DECR1: variants seen among roughly 807,000 people sequenced by gnomAD.
DECR1 encodes the protein 2,4-dienoyl-CoA reductase 1, also known as 2,4-dienoyl-CoA reductase [(3E)-enoyl-CoA-producing], mitochondrial.
DECR1 carries 44 observed loss-of-function variants against 38.8 expected under a neutral mutation model. The observed-to-expected ratio is 1.13, with a 90% confidence interval of 0.89 to 1.46. The LOEUF is 1.46. Ranked by LOEUF, DECR1 falls within the 40% of genes most tolerant of loss-of-function variation. The pLI is 0.00. For synonymous variants in DECR1, 148 were observed against 135.2 expected (o/e 1.09, Z -0.66); for missense variants, 428 against 405.5 (o/e 1.06, Z -0.48).
intron 6 of DECR1, among the ~76,000 whole-genome samples, chr8:90,040,548 A>G (rs1434084497): frequency 6.6e-6 from 1 of 152,186 alleles, no homozygotes; most frequent in African/African-American, 2.4e-5. Flanking sequence ...ATAGGTATAC[A>G]TGTGCCATGG....
At chr8:90,016,221 T>G (rs968901553) in intron 1 of DECR1, among the ~76,000 whole-genome samples, 1 of 152,222 alleles carries the variant, frequency 6.6e-6, no homozygotes. Flanking sequence ...GGAAGAGGCA[T>G]TTGATTTAAT....
intron 2 of DECR1, 188 bp from the exon 3 acceptor site, chr8:90,018,721 A>C (rs1813070982): frequency 3.8e-6 from 2 of 529,502 alleles, no homozygotes; most frequent in African/African-American, 3.8e-5. Context: ...CTAATTCAAT[A>C]AGTTAGTATC....
In DECR1 at chr8:90,051,772, C is replaced by T. The variant is rs1586172287; in HGVS notation, c.948+33C>T. 3 of 1,611,176 alleles carry T rather than the reference C, an allele frequency of 1.9e-6. No individual in the cohort carries two copies. In the South Asian group the frequency reaches 3.3e-5, roughly 18 times the overall value. The stretch of plus-strand genomic sequence containing the variant: ...TTTTGTGTGTATAATGTAATATCAG[C>T]AGCTAGGATACTAAGCTTTAAAAAC... On this transcript the variant is annotated intron_variant, in intron 9 of 9. Transcript: ENST00000220764.
intron 5 of DECR1, among the ~76,000 whole-genome samples, chr8:90,032,299 G>A (rs1023353526): frequency 1.3e-5 from 2 of 152,062 alleles, no homozygotes; most frequent in African/African-American, 2.4e-5. Context: ...ATAGGGACTG[G>A]TACATCTCAG....
chr8:90,001,708 G>A, intron 1 of DECR1, 147 bp downstream of exon 1: 1 of 714,708 alleles, frequency 1.4e-6, no homozygotes, highest in Admixed American at 2.9e-5. Flanking sequence ...GGTTCGGGGA[G>A]CGAGGACAGG....
Position 90,053,035 on chromosome 8 carries a change from G to A in DECR1, c.*1138G>A, listed in dbSNP as rs1805893. Among the ~76,000 whole-genome samples, 1,639 of 152,232 alleles carry A rather than the reference G, an allele frequency of 0.011. 12 individuals are homozygous for A. The highest frequency in any genetic ancestry group is 0.041 in the Middle Eastern group (12 of 292). On this transcript the variant is annotated 3_prime_UTR_variant, in exon 10 of 10. Coordinates refer to ENST00000220764, the MANE Select transcript of DECR1 (RefSeq NM_001359.2). Reference sequence around the variant, plus strand: ...ATATATAGGGGATGTTATAGGTTTGGAATAAGTGGCCCAACATTTCCAATT... The same window carrying A: ...ATATATAGGGGATGTTATAGGTTTGAAATAAGTGGCCCAACATTTCCAATT...
intron 5 of DECR1, among the ~76,000 whole-genome samples, chr8:90,024,575 T>G (rs535076265): frequency 2.0e-5 from 3 of 152,258 alleles, no homozygotes; most frequent in Non-Finnish European, 4.4e-5. Context: ...GTTTGATTTT[T>G]TTCTTGTAAA....
At chr8:90,051,281 A>G (rs1348750880) in intron 8 of DECR1, among the ~76,000 whole-genome samples, 1 of 152,056 alleles carries the variant, frequency 6.6e-6, no homozygotes, top group African/African-American at 2.4e-5. Flanking sequence ...ATAACTTAAC[A>G]TGGTGGCAGG....
At chr8:90,018,656 G>C in intron 2 of DECR1, 1 of 360,026 alleles carries the variant, frequency 2.8e-6, no homozygotes. Flanking sequence ...GCTTATCAAG[G>C]AAATAATTTA....
At chr8:90,028,071 T>A (rs1813399500) in intron 5 of DECR1, among the ~76,000 whole-genome samples, 1 of 152,150 alleles carries the variant, frequency 6.6e-6, no homozygotes, top group Non-Finnish European at 1.5e-5. Context: ...TGATTAGGAT[T>A]TGAGGGGAGT....
At chr8:90,005,582 C>T (rs1414773200) in intron 1 of DECR1, 1 of 376,844 alleles carries the variant, frequency 2.7e-6, no homozygotes, top group Non-Finnish European at 5.2e-6. Context: ...ACATTGTCCT[C>T]TGAAGGCAGC....
chr8:90,038,706 G>A lies in DECR1; in HGVS notation c.665+1766G>A, dbSNP rs192174061. ...TGACTTCCCCACTTGGACCAGAAGA[G>A]TCTGGTCCGTAGCTGGTGCTTCATG... On this transcript the variant is annotated intron_variant, in intron 6 of 9. Coordinates refer to ENST00000220764, the MANE Select transcript of DECR1 (RefSeq NM_001359.2). 2.6e-5 allele frequency among the ~76,000 whole-genome samples: 4 copies of A among 152,270 alleles called. No homozygotes were observed. In the East Asian group the frequency reaches 5.8e-4, roughly 22 times the overall value.
intron 1 of DECR1, among the ~76,000 whole-genome samples, chr8:90,014,408 C>A (rs1217966325): frequency 6.6e-6 from 1 of 152,136 alleles, no homozygotes; most frequent in East Asian, 1.9e-4. Flanking sequence ...TTTATATTAA[C>A]ACATATGCTG....
At chr8:90,048,242 A>T (rs546685822) in intron 8 of DECR1, among the ~76,000 whole-genome samples, 1 of 152,248 alleles carries the variant, frequency 6.6e-6, no homozygotes, top group African/African-American at 2.4e-5. Flanking sequence ...CAATGAATCC[A>T]GGAGCTGTTT....
At chr8:90,019,673 T>G (rs1012348545) in intron 4 of DECR1, among the ~76,000 whole-genome samples, 1 of 152,208 alleles carries the variant, frequency 6.6e-6, no homozygotes, top group Non-Finnish European at 1.5e-5. Flanking sequence ...AGGACCTGGT[T>G]TAACTAGTCC....
intron 5 of DECR1, among the ~76,000 whole-genome samples, chr8:90,031,354 G>A (rs996057945): frequency 2.0e-5 from 3 of 152,142 alleles, no homozygotes; most frequent in Non-Finnish European, 4.4e-5. Context: ...TTTTTACCAC[G>A]TCTTTTACAA....
At chr8:90,024,117 T>C (rs973605877) in intron 5 of DECR1, among the ~76,000 whole-genome samples, 2 of 152,216 alleles carry the variant, frequency 1.3e-5, no homozygotes, top group Non-Finnish European at 2.9e-5. Context: ...CAGTCTATCA[T>C]TGATGGACAT....
At chr8:90,041,886 T>C (rs141424889) in intron 6 of DECR1, among the ~76,000 whole-genome samples, 3 of 152,256 alleles carry the variant, frequency 2.0e-5, no homozygotes, top group African/African-American at 7.2e-5. Flanking sequence ...CAAATTATCC[T>C]GTCTTCCTCA....
intron 4 of DECR1, 122 bp from the exon 5 acceptor site, chr8:90,020,786 AG>A (rs1813134630): frequency 1.5e-6 from 1 of 666,138 alleles, no homozygotes; most frequent in Admixed American, 4.2e-5. Context: ...ATTGTTTCGT[AG>A]GTAGCTGTGG....
Sources: allele counts gnomAD v4.1 joint callset (sites outside exome capture counted in the v4.1 genomes callset), GRCh38; gene constraint gnomAD v4.1.1; transcripts MANE v1.5; gene names NCBI Gene and HGNC (gene_info 2026-07-23, HGNC 2026-07-21).